Variants in ARMC2 observed in about 807,000 individuals in gnomAD.
ARMC2 encodes armadillo repeat-containing protein 2.
A neutral mutation model predicts 90.3 loss-of-function variants in ARMC2; 67 were observed. The ratio of observed to expected loss-of-function variants is 0.74; its 90% CI spans 0.61 to 0.91. The LOEUF (loss-of-function observed/expected upper bound fraction) is 0.91, where lower values mean the gene tolerates loss of function less well. Among genes scored for constraint, ARMC2 ranks in the 40% least tolerant of loss-of-function variants. The pLI is 0.00. For synonymous variants in ARMC2, 393 were observed against 393.0 expected (o/e 1.00, Z 0.00); for missense variants, 920 against 1,030.9 (o/e 0.89, Z 1.47).
At chr6:108,901,098 ATTTTTTTTTTTTTTTTTTTT>A (rs1173637475) in intron 7 of ARMC2, among the ~76,000 whole-genome samples, 25 of 59,370 alleles carry the variant, frequency 4.2e-4, no homozygotes, top group South Asian at 4.0e-3. Context: ...GAAAGAAGGA[ATTTTTTTTTTTTTTTTTTTT>A]TTTTTTTTTT....
intron 3 of ARMC2, among the ~76,000 whole-genome samples, chr6:108,860,337 T>G (rs1024430738): frequency 2.6e-5 from 4 of 152,106 alleles, no homozygotes; most frequent in African/African-American, 9.7e-5. Context: ...AGACTTCCTC[T>G]GATGCCTCAT....
the ARMC2 span, chr6:109,008,837 CTT>C: frequency 1.0e-6 from 1 of 985,638 alleles, no homozygotes; most frequent in Non-Finnish European, 1.2e-6. Flanking sequence ...GCAGGACACA[CTT>C]ATTCCAGGCA....
chr6:108,961,965 A>C lies in ARMC2; in HGVS notation c.2039-49A>C, dbSNP rs1220935433. On this transcript the variant is annotated intron_variant, in intron 14 of 17. Transcript: ENST00000392644. ...TGATGTTGATTTCCATTAACCTTTAAGTTAAAACTTAAATTCACTGATTTA... is the reference window on the plus strand; with the variant it reads ...TGATGTTGATTTCCATTAACCTTTACGTTAAAACTTAAATTCACTGATTTA... The C allele has an allele frequency of 2.2e-6, 3 of 1,334,048 alleles. No individual in the cohort carries two copies. The South Asian group carries it at 3.9e-5, about 17-fold the overall frequency. The allele number at this position is 1,334,048 out of a possible 1,614,324, so 82.6% of individuals were successfully genotyped here. A position where few individuals can be genotyped will look rare whatever the true frequency, so the allele number is the denominator to read the frequency against.
At chr6:108,874,024 G>T (rs1776692212) in intron 4 of ARMC2, among the ~76,000 whole-genome samples, 1 of 152,206 alleles carries the variant, frequency 6.6e-6, no homozygotes, top group Admixed American at 6.5e-5. Flanking sequence ...ACCTGAACTG[G>T]TCCTGTGTGG....
chr6:109,045,353 C>G, the ARMC2 span, among the ~76,000 whole-genome samples: 6 of 152,156 alleles, frequency 3.9e-5, no homozygotes, highest in Admixed American at 1.3e-4. Context: ...CTAGCCTATT[C>G]TCTACACTGG....
chr6:108,864,400 C>G (rs746671419), intron 3 of ARMC2, among the ~76,000 whole-genome samples: 1 of 152,008 alleles, frequency 6.6e-6, no homozygotes, highest in Non-Finnish European at 1.5e-5. Context: ...AGGCGCCCAC[C>G]ACCATGCCCA....
In ARMC2 at chr6:108,871,860, T is replaced by C. The variant is rs190606858; in HGVS notation, c.463+2865T>C. On this transcript the variant is annotated intron_variant, in intron 4 of 17. Coordinates refer to ENST00000392644, the MANE Select transcript of ARMC2 (RefSeq NM_032131.6). ...GCATGTTTTCATCGTGGTTCTTTTA[T>C]CCACCCTGTTTGCAGTCACCCCTCT... is the stretch of plus-strand genomic sequence containing the variant. 1.8e-4 allele frequency among the ~76,000 whole-genome samples: 27 copies of C among 152,362 alleles called. No individual in the cohort carries two copies. The East Asian group carries it at 5.2e-3, about 29-fold the overall frequency.
intron 12 of ARMC2, among the ~76,000 whole-genome samples, chr6:108,944,979 A>G (rs1291811125): frequency 6.6e-6 from 1 of 152,192 alleles, no homozygotes; most frequent in African/African-American, 2.4e-5. Context: ...CACACACACA[A>G]AAACTGAGAT....
chr6:108,874,571 T>C (rs1251126462), intron 4 of ARMC2, among the ~76,000 whole-genome samples: 2 of 152,176 alleles, frequency 1.3e-5, no homozygotes, highest in African/African-American at 4.8e-5. Context: ...ATCATGACAA[T>C]AACTTCTAGG....
At chr6:108,857,545 TGAAAAGC>T (rs1181646215) in intron 2 of ARMC2, among the ~76,000 whole-genome samples, 1 of 152,228 alleles carries the variant, frequency 6.6e-6, no homozygotes, top group Non-Finnish European at 1.5e-5. Flanking sequence ...TGTATGATAC[TGAAAAGC>T]AGTAGTAAGA....
chr6:108,982,812 CTTTTTTTT>C, the ARMC2 span, among the ~76,000 whole-genome samples: 1 of 127,232 alleles, frequency 7.9e-6, no homozygotes, highest in South Asian at 2.5e-4. Context: ...TTGGACTTTT[CTTTTTTTT>C]TTTTTTTTTG....
chr6:108,949,095 A>G (rs1776997817), intron 12 of ARMC2, among the ~76,000 whole-genome samples: 2 of 152,214 alleles, frequency 1.3e-5, no homozygotes, highest in African/African-American at 4.8e-5. Context: ...TAGTCCTGGT[A>G]ACAATTTAGG....
downstream of ARMC2, among the ~76,000 whole-genome samples, chr6:108,976,375 G>A (rs546620400): frequency 7.2e-5 from 11 of 152,094 alleles, no homozygotes; most frequent in South Asian, 2.1e-3. Flanking sequence ...TCTCTGTTTT[G>A]GTACCAGTAC....
chr6:108,922,823 G>A (rs1774715477), intron 10 of ARMC2, among the ~76,000 whole-genome samples: 1 of 152,232 alleles, frequency 6.6e-6, no homozygotes, highest in African/African-American at 2.4e-5. Context: ...GTGAGCACCA[G>A]AAAGTTGTCA....
rs373690749 is a variant in ARMC2, at chr6:108,970,538, C to T, written c.2447-2819C>T. Reference sequence around the variant, plus strand: ...TTTGAGACAGAGTCTCTCACTGTCGCCCAGGCTGGAGTGCAATGGCACGAT... The same window carrying T: ...TTTGAGACAGAGTCTCTCACTGTCGTCCAGGCTGGAGTGCAATGGCACGAT... On this transcript the variant is annotated intron_variant, in intron 17 of 17. Coordinates refer to ENST00000392644, the MANE Select transcript of ARMC2 (RefSeq NM_032131.6). Among the ~76,000 whole-genome samples the T allele has an allele frequency of 3.3e-4, 48 of 145,628 alleles. No individual in the cohort carries two copies. In the East Asian group the frequency reaches 7.8e-3, roughly 24 times the overall value.
At chr6:109,009,393 C>A in the ARMC2 span, 1 of 1,462,202 alleles carries the variant, frequency 6.8e-7, no homozygotes, top group Non-Finnish European at 9.0e-7. Flanking sequence ...GCACTGCTTG[C>A]AGCCCAGCAG....
At chr6:108,962,214 TA>T in intron 15 of ARMC2, 87 bp downstream of exon 15, 1 of 1,054,872 alleles carries the variant, frequency 9.5e-7, no homozygotes, top group South Asian at 1.5e-5. Context: ...ATTACAGTGT[TA>T]TACTTGTTTC....
intron 10 of ARMC2, among the ~76,000 whole-genome samples, chr6:108,927,761 A>G (rs543249982): frequency 6.6e-6 from 1 of 152,158 alleles, no homozygotes; most frequent in Non-Finnish European, 1.5e-5. Context: ...AATCTGCAGA[A>G]CTGATGTGGC....
intron 17 of ARMC2, among the ~76,000 whole-genome samples, chr6:108,972,021 A>G (rs1042069111): frequency 3.8e-4 from 58 of 152,178 alleles, no homozygotes; most frequent in Non-Finnish European, 8.8e-5. Flanking sequence ...CATGTCACAA[A>G]TGTAGGAAGT....
Sources: allele counts gnomAD v4.1 joint callset (sites outside exome capture counted in the v4.1 genomes callset), GRCh38; gene constraint gnomAD v4.1.1; transcripts MANE v1.5; gene names NCBI Gene and HGNC (gene_info 2026-07-23, HGNC 2026-07-21).